Variants in MERTK observed in about 807,000 individuals in gnomAD.
MERTK encodes the protein MER proto-oncogene, tyrosine kinase.
A neutral mutation model predicts 99.3 loss-of-function variants in MERTK; 69 were observed. The observed-to-expected ratio is 0.70, with a 90% CI of 0.57 to 0.85. The LOEUF (loss-of-function observed/expected upper bound fraction) is 0.85. Among genes scored for constraint, MERTK ranks in the 40% least tolerant of loss-of-function variants. The pLI, the probability that MERTK is intolerant of heterozygous loss-of-function variation, is 0.00. For synonymous variants in MERTK, 426 were observed against 467.6 expected (o/e 0.91, Z 1.15); for missense variants, 1,125 against 1,249.4 (o/e 0.90, Z 1.50).
At chr2:111,913,233 A>G (rs544194990) in intron 1 of MERTK, among the ~76,000 whole-genome samples, 1 of 152,280 alleles carries the variant, frequency 6.6e-6, no homozygotes, top group East Asian at 1.9e-4. Context: ...GGGAGAATTG[A>G]TATTTTTTCT....
chr2:111,968,247 A>AT lies in MERTK; in HGVS notation c.957dup (p.Gln320SerfsTer6), dbSNP rs1342012591. On this transcript the variant is annotated frameshift_variant, in exon 6 of 19. Coordinates refer to ENST00000295408, the MANE Select transcript of MERTK (RefSeq NM_006343.3). LOFTEE classifies it high-confidence loss of function. ...ATACTCCCCGTTCAGGAATTGCAGCATTCAGGTAAAGTTCCAGGGTGAAGA... is the reference window on the plus strand; with the variant it reads ...ATACTCCCCGTTCAGGAATTGCAGCATTTCAGGTAAAGTTCCAGGGTGAAGA... 1 of 1,611,388 alleles carries AT rather than the reference A, an allele frequency of 6.2e-7. No individual in the cohort carries two copies. The highest frequency in any genetic ancestry group is 2.2e-5 in the East Asian group (1 of 44,860).
At chr2:111,955,674 C>T (rs1329027956) in intron 4 of MERTK, among the ~76,000 whole-genome samples, 2 of 152,108 alleles carry the variant, frequency 1.3e-5, no homozygotes, top group African/African-American at 4.8e-5. Flanking sequence ...TATGTAAGAT[C>T]TTATCATTGG....
chr2:111,984,572 G>T lies in MERTK; in HGVS notation c.1296+1579G>T, dbSNP rs569159928. Reference sequence around the variant, plus strand: ...GTGTGAGATGAAGCTGGATTGAGGAGTTCTGACCCTAAAATGCAGGGCCCT... The same window carrying T: ...GTGTGAGATGAAGCTGGATTGAGGATTTCTGACCCTAAAATGCAGGGCCCT... On this transcript the variant is annotated intron_variant, in intron 8 of 18. Coordinates refer to ENST00000295408, the MANE Select transcript of MERTK (RefSeq NM_006343.3). Among the ~76,000 whole-genome samples, 5 of 152,278 alleles carry T rather than the reference G, an allele frequency of 3.3e-5. No homozygotes were observed. In the South Asian group the frequency reaches 1.0e-3, roughly 32 times the overall value.
intron 15 of MERTK, chr2:112,010,358 A>G: frequency 2.7e-6 from 1 of 376,888 alleles, no homozygotes; most frequent in South Asian, 2.2e-5. Flanking sequence ...GCACTTCACA[A>G]CCCTCATGGC....
At chr2:111,916,004 A>G (rs1037243102) in intron 1 of MERTK, among the ~76,000 whole-genome samples, 1 of 152,222 alleles carries the variant, frequency 6.6e-6, no homozygotes, top group African/African-American at 2.4e-5. Flanking sequence ...CATAGACTAT[A>G]TGATTTCAGT....
At chr2:111,943,961 G>A (rs2104701191) in intron 2 of MERTK, among the ~76,000 whole-genome samples, 1 of 152,204 alleles carries the variant, frequency 6.6e-6, no homozygotes, top group Non-Finnish European at 1.5e-5. Flanking sequence ...TGAGGGGGCA[G>A]TACCCCAATG....
intron 3 of MERTK, among the ~76,000 whole-genome samples, chr2:111,945,615 G>A (rs1684948969): frequency 6.6e-6 from 1 of 152,202 alleles, no homozygotes; most frequent in South Asian, 2.1e-4. Flanking sequence ...AGGTCCATGG[G>A]GATGAAGAGT....
chr2:112,019,343 C>CA (rs1276748044), intron 15 of MERTK, 70 bp from the exon 16 acceptor site: 4 of 1,126,894 alleles, frequency 3.5e-6, no homozygotes, highest in Non-Finnish European at 5.4e-6. Flanking sequence ...CTTTCCCCCC[C>CA]CGGCAGAAAC....
At chr2:111,931,176 C>T (rs1328792953) in intron 2 of MERTK, among the ~76,000 whole-genome samples, 1 of 152,046 alleles carries the variant, frequency 6.6e-6, no homozygotes, top group Admixed American at 6.6e-5. Flanking sequence ...GTTAGTGTGC[C>T]AACACTTCCA....
intron 4 of MERTK, among the ~76,000 whole-genome samples, chr2:111,962,618 A>G (rs535511763): frequency 5.3e-5 from 8 of 152,252 alleles, no homozygotes; most frequent in East Asian, 3.9e-4. Flanking sequence ...AGCATTTTAC[A>G]TTGGTGTGGT....
Position 112,021,331 on chromosome 2 carries a change from TATC to T in MERTK, c.2190-88_2190-86del, listed in dbSNP as rs1012916435. 1.8e-4 allele frequency: 286 copies of T among 1,578,084 alleles called. 1 individual carries two copies. Among genetic ancestry groups the T allele is most frequent in the Non-Finnish European group, 3.8e-5 (44 of 1,158,486 alleles). On this transcript the variant is annotated intron_variant, in intron 16 of 18. Transcript: ENST00000295408. ...GTGTCTCTGTGTTCTTTTGGTCAAT[TATC>T]ATAAGTGTTTTCACCTGTGTCTGAT...
In MERTK at chr2:111,963,102, T is replaced by TCTCTGCAACATA. The variant is rs1389202957; in HGVS notation, c.758-2089_758-2088insCTCTGCAACATA. ...GAGAGAAGGTCAGCAGATAAACACG[T>TCTCTGCAACATA]GAACAAAGGTCTCTGCAACATAGAC... On this transcript the variant is annotated intron_variant, in intron 4 of 18. Transcript: ENST00000295408. Among the ~76,000 whole-genome samples the TCTCTGCAACATA allele has an allele frequency of 1.0e-3, 159 of 152,198 alleles. 1 individual carries two copies. Among genetic ancestry groups the TCTCTGCAACATA allele is most frequent in the African/African-American group, 3.7e-3 (155 of 41,512 alleles).
At chr2:111,964,039 C>CTTTTTTTTTTTTTTTTT (rs1553451938) in intron 4 of MERTK, among the ~76,000 whole-genome samples, 1 of 40,478 alleles carries the variant, frequency 2.5e-5, no homozygotes, top group African/African-American at 9.2e-5. Context: ...CAAAAATTTT[C>CTTTTTTTTTTTTTTTTT]TTTCTTTTTT....
intron 18 of MERTK, among the ~76,000 whole-genome samples, chr2:112,027,176 TACAC>T (rs541453305): frequency 2.7e-5 from 4 of 149,166 alleles, no homozygotes; most frequent in South Asian, 2.1e-4. Context: ...TATATATATA[TACAC>T]ACACACACAC....
intron 1 of MERTK, among the ~76,000 whole-genome samples, chr2:111,920,318 C>G (rs2104676361): frequency 6.6e-6 from 1 of 152,222 alleles, no homozygotes; most frequent in East Asian, 1.9e-4. Flanking sequence ...CACACACTGC[C>G]CAGCCATTTA....
In MERTK at chr2:112,029,054, A is replaced by T; in HGVS notation, c.*190A>T. On this transcript the variant is annotated 3_prime_UTR_variant, in exon 19 of 19. Coordinates refer to ENST00000295408, the MANE Select transcript of MERTK (RefSeq NM_006343.3). ...ATATATATTTATTTAAAGAGAAAAA[A>T]TATGTGTATATCATGGAAAAAGACA... 1 of 1,343,186 alleles carries T rather than the reference A, an allele frequency of 7.4e-7. No homozygotes were observed. Among genetic ancestry groups the T allele is most frequent in the Non-Finnish European group, 9.6e-7 (1 of 1,040,536 alleles). The allele number at this position is 1,343,186 out of a possible 1,614,324, so 83.2% of individuals were successfully genotyped here. A position where few individuals can be genotyped will look rare whatever the true frequency, so the allele number is the denominator to read the frequency against.
chr2:112,006,755 C>A (rs1015946675), intron 13 of MERTK, among the ~76,000 whole-genome samples: 9 of 152,184 alleles, frequency 5.9e-5, no homozygotes, highest in African/African-American at 2.2e-4. Flanking sequence ...GAATAGTCTG[C>A]AGGCAGAGCC....
chr2:111,917,392 T>C (rs971635012), intron 1 of MERTK, among the ~76,000 whole-genome samples: 2 of 152,138 alleles, frequency 1.3e-5, no homozygotes, highest in African/African-American at 4.8e-5. Flanking sequence ...GTGATGTGTT[T>C]TGGGTTGCTT....
chr2:111,931,823 G>A (rs1684677803), intron 2 of MERTK, among the ~76,000 whole-genome samples: 1 of 152,230 alleles, frequency 6.6e-6, no homozygotes, highest in African/African-American at 2.4e-5. Context: ...GACTTGGCCA[G>A]TGTATGACTG....
Sources: allele counts gnomAD v4.1 joint callset (sites outside exome capture counted in the v4.1 genomes callset), GRCh38; gene constraint gnomAD v4.1.1; transcripts MANE v1.5; gene names NCBI Gene and HGNC (gene_info 2026-07-23, HGNC 2026-07-21).